Variants in MAP2K5 observed in about 807,000 individuals in gnomAD.
The protein encoded by MAP2K5 is dual specificity mitogen-activated protein kinase kinase 5.
Under a neutral mutation model 83.1 loss-of-function variants are expected in MAP2K5, and 49 were observed. The ratio of observed to expected loss-of-function variants is 0.59; its 90% CI spans 0.47 to 0.75. MAP2K5 has a LOEUF of 0.75. Among genes scored for constraint, MAP2K5 ranks in the 30% least tolerant of loss-of-function variants. MAP2K5 has a pLI of 0.00. For synonymous variants in MAP2K5, 202 were observed against 191.8 expected, an observed-to-expected ratio of 1.05 and a Z score of -0.44; for missense variants, 457 against 557.5, an observed-to-expected ratio of 0.82 and a Z score of 1.82.
intron 16 of MAP2K5, among the ~76,000 whole-genome samples, chr15:67,710,854 G>A (rs2088675757): frequency 6.6e-6 from 1 of 152,144 alleles, no homozygotes; most frequent in Non-Finnish European, 1.5e-5. Flanking sequence ...AGAATTGTGA[G>A]TTTTAGAATT....
intron 21 of MAP2K5, among the ~76,000 whole-genome samples, chr15:67,788,403 G>A (rs1296483750): frequency 1.3e-5 from 2 of 152,052 alleles, no homozygotes; most frequent in African/African-American, 4.8e-5. Flanking sequence ...TCTTAAGTTT[G>A]GAAAGTATTT....
chr15:67,561,903 G>T lies in MAP2K5; in HGVS notation c.185-1380G>T, dbSNP rs16951001. 0.33 allele frequency among the ~76,000 whole-genome samples: 49,740 copies of T among 152,044 alleles called. 8,995 individuals are homozygous for T. The highest frequency in any genetic ancestry group is 0.42 in the Non-Finnish European group (28,490 of 67,948). On this transcript the variant is annotated intron_variant, in intron 2 of 21. Transcript: ENST00000178640. The surrounding 1 kb of genome is among the most constrained non-coding windows in gnomAD (Gnocchi z 4.2). ...GACCCACTGACTTGTGGTAGGGGAA[G>T]ATCCCTGTGTTGAACTGAACTCCCT... is the stretch of plus-strand genomic sequence containing the variant.
chr15:67,777,117 G>A lies in MAP2K5; in HGVS notation c.1242+4365G>A, dbSNP rs1375905530. ...AGAGTTACTTGGCCAGGAGCTGACTGTAGGGAGGGAAGTGTTCACTCAGCG... is the reference window on the plus strand; with the variant it reads ...AGAGTTACTTGGCCAGGAGCTGACTATAGGGAGGGAAGTGTTCACTCAGCG... On this transcript the variant is annotated intron_variant, in intron 21 of 21. Coordinates refer to ENST00000178640, the MANE Select transcript of MAP2K5 (RefSeq NM_145160.3). The surrounding 1 kb of genome is among the most constrained non-coding windows in gnomAD (Gnocchi z 6.0). Among the ~76,000 whole-genome samples the A allele has an allele frequency of 1.3e-5, 2 of 152,188 alleles. No individual in the cohort carries two copies. The highest frequency in any genetic ancestry group is 2.9e-5 in the Non-Finnish European group (2 of 68,014).
chr15:67,669,291 A>G (rs1324095394), intron 13 of MAP2K5, among the ~76,000 whole-genome samples: 3 of 152,164 alleles, frequency 2.0e-5, no homozygotes, highest in African/African-American at 7.2e-5. Context: ...TAAGTAAAAT[A>G]CGGAGTGTGT....
intron 13 of MAP2K5, among the ~76,000 whole-genome samples, chr15:67,671,874 C>T (rs1180876289): frequency 1.4e-5 from 2 of 140,972 alleles, no homozygotes; most frequent in Non-Finnish European, 3.0e-5. Flanking sequence ...CATGTGTTCT[C>T]ATTGTTCAGT....
chr15:67,631,041 G>A, intron 9 of MAP2K5, 114 bp downstream of exon 9: 1 of 753,042 alleles, frequency 1.3e-6, no homozygotes, highest in Admixed American at 2.9e-5. Context: ...AGGTTTAGAT[G>A]GTAGGTAGGG....
chr15:67,586,075 T>G, intron 5 of MAP2K5, 145 bp downstream of exon 5: 1 of 725,210 alleles, frequency 1.4e-6, no homozygotes. Context: ...TGGAGGGGGA[T>G]TCATCTGTAG....
chr15:67,582,484 A>G (rs2085200147), intron 4 of MAP2K5, among the ~76,000 whole-genome samples: 1 of 152,186 alleles, frequency 6.6e-6, no homozygotes, highest in East Asian at 1.9e-4. Context: ...TATTGACATT[A>G]TAGCTCTGCC....
At chr15:67,582,770 A>C (rs2085208089) in intron 4 of MAP2K5, among the ~76,000 whole-genome samples, 1 of 151,964 alleles carries the variant, frequency 6.6e-6, no homozygotes, top group Non-Finnish European at 1.5e-5. Flanking sequence ...ACAGTGAGCC[A>C]TGTTTGTGCC....
chr15:67,790,861 A>G lies in MAP2K5; in HGVS notation c.1243-15785A>G, dbSNP rs140197724. Among the ~76,000 whole-genome samples the G allele has an allele frequency of 1.6e-4, 25 of 152,358 alleles. No homozygotes were observed. Among genetic ancestry groups the G allele is most frequent in the African/African-American group, 6.0e-4 (25 of 41,590 alleles). On this transcript the variant is annotated intron_variant, in intron 21 of 21. Transcript: ENST00000178640. The surrounding 1 kb of genome is among the most constrained non-coding windows in gnomAD (Gnocchi z 4.6). Reference sequence around the variant, plus strand: ...ATTTAGGCCACTGATAGTTATGACTATGGAACTGCCTCTGGGCTGGGAATT... The same window carrying G: ...ATTTAGGCCACTGATAGTTATGACTGTGGAACTGCCTCTGGGCTGGGAATT...
At chr15:67,803,045 C>T (rs942793902) in intron 21 of MAP2K5, among the ~76,000 whole-genome samples, 1 of 152,238 alleles carries the variant, frequency 6.6e-6, no homozygotes, top group African/African-American at 2.4e-5. Context: ...CACTGAGTGT[C>T]AGTTTCCTCT....
intron 12 of MAP2K5, among the ~76,000 whole-genome samples, chr15:67,663,463 A>G (rs1243185950): frequency 6.6e-6 from 1 of 152,010 alleles, no homozygotes; most frequent in Non-Finnish European, 1.5e-5. Flanking sequence ...TCTTTTTTTC[A>G]TTCAAGTTAA....
In MAP2K5 at chr15:67,758,956, G is replaced by A. The variant is rs866836782; in HGVS notation, c.1134+10355G>A. ...TTGCAGACATGCTCAAAGGGCATAC[G>A]TGTTTTGCAACTCAGTTCAGTTTTG... On this transcript the variant is annotated intron_variant, in intron 19 of 21. Transcript: ENST00000178640. This position sits in a 1 kb window ranked among gnomAD's most constrained non-coding sequence, Gnocchi z 4.7. Among the ~76,000 whole-genome samples, 27 of 152,196 alleles carry A rather than the reference G, an allele frequency of 1.8e-4. No homozygotes were observed. The highest frequency in any genetic ancestry group is 1.0e-3 in the South Asian group (5 of 4,822).
At chr15:67,626,999 C>T (rs1380241684) in intron 8 of MAP2K5, among the ~76,000 whole-genome samples, 1 of 107,024 alleles carries the variant, frequency 9.3e-6, no homozygotes, top group Non-Finnish European at 2.3e-5. Flanking sequence ...GTGGTGAGAT[C>T]ATAGCTCACT....
intron 19 of MAP2K5, among the ~76,000 whole-genome samples, chr15:67,756,462 T>C (rs1233725161): frequency 2.0e-5 from 3 of 151,564 alleles, no homozygotes; most frequent in Non-Finnish European, 4.4e-5. Context: ...AACATATACA[T>C]TGTGAAAGGA....
chr15:67,645,489 A>G (rs1468015235), intron 9 of MAP2K5, among the ~76,000 whole-genome samples: 2 of 152,196 alleles, frequency 1.3e-5, no homozygotes, highest in Non-Finnish European at 2.9e-5. Flanking sequence ...AAATAAATAA[A>G]TAAAATGTCA....
chr15:67,670,000 A>G (rs368011912), intron 13 of MAP2K5, among the ~76,000 whole-genome samples: 1 of 152,180 alleles, frequency 6.6e-6, no homozygotes. Flanking sequence ...GCAACTCTTT[A>G]TAGTGGCTTT....
At chr15:67,567,382 G>A (rs1432855394) in intron 3 of MAP2K5, among the ~76,000 whole-genome samples, 1 of 136,638 alleles carries the variant, frequency 7.3e-6, no homozygotes, top group Non-Finnish European at 1.5e-5. Flanking sequence ...TTTTGAGACA[G>A]AGTCTCGCTC....
chr15:67,663,906 C>G (rs1448422717), intron 12 of MAP2K5, among the ~76,000 whole-genome samples: 1 of 152,048 alleles, frequency 6.6e-6, no homozygotes, highest in Admixed American at 6.6e-5. Context: ...TCATAAGTGT[C>G]ATGACTTCAA....
Sources: gnomAD v4.1 joint callset for allele counts (sites outside exome capture counted in the v4.1 genomes callset) on GRCh38, gnomAD v4.1.1 for gene constraint, Gnocchi (gnomAD v3.1) non-coding constraint, MANE v1.5 for transcripts, NCBI Gene and HGNC (gene_info 2026-07-23, HGNC 2026-07-21) for gene names.